Variants in TIMP2 observed in about 807,000 individuals in gnomAD.
TIMP2 encodes the protein metalloproteinase inhibitor 2.
A neutral mutation model predicts 24.3 loss-of-function variants in TIMP2; 5 were observed. The ratio of observed to expected loss-of-function variants is 0.21; its 90% CI spans 0.11 to 0.43. The LOEUF (loss-of-function observed/expected upper bound fraction) is 0.43. TIMP2 is among the 20% of genes least tolerant of loss of function. The pLI, the probability that TIMP2 is intolerant of heterozygous loss-of-function variation, is 1.00. For synonymous variants in TIMP2, 130 were observed against 123.2 expected, an observed-to-expected ratio of 1.06 and a Z score of -0.37; for missense variants, 221 against 297.5, an observed-to-expected ratio of 0.74 and a Z score of 1.89.
At chr17:78,905,182 G>T (rs181638969) in intron 1 of TIMP2, among the ~76,000 whole-genome samples, 8 of 151,062 alleles carry the variant, frequency 5.3e-5, no homozygotes, top group South Asian at 2.1e-4. Flanking sequence ...CCTTCTTTCT[G>T]CCTTGGACCT....
In TIMP2 at chr17:78,889,636, G is replaced by A. The variant is rs148019087; in HGVS notation, c.131-15717C>T. Among the ~76,000 whole-genome samples the A allele has an allele frequency of 3.3e-4, 50 of 152,252 alleles. No homozygotes were observed. The East Asian group carries it at 7.3e-3, about 22-fold the overall frequency. On this transcript the variant is annotated intron_variant, in intron 1 of 4. Coordinates refer to ENST00000262768, the MANE Select transcript of TIMP2 (RefSeq NM_003255.5). ...TTTATTTGGCTAAAACATCTGAAGG[G>A]CTTAAATGACCTGGAGTCTCCATCT...
At chr17:78,908,793 C>T (rs73397224) in intron 1 of TIMP2, among the ~76,000 whole-genome samples, 2,637 of 152,310 alleles carry the variant, frequency 0.017, 75 homozygotes, top group African/African-American at 0.06. Context: ...TTCCTTTATT[C>T]CCTGCCCTGG....
chr17:78,921,537 G>T (rs1043543947), intron 1 of TIMP2, among the ~76,000 whole-genome samples: 1 of 152,228 alleles, frequency 6.6e-6, no homozygotes, highest in African/African-American at 2.4e-5. Context: ...GTGGCTCCAG[G>T]CATGGGACTG....
intron 2 of TIMP2, among the ~76,000 whole-genome samples, chr17:78,873,393 T>C (rs1372203389): frequency 3.3e-5 from 5 of 151,094 alleles, no homozygotes; most frequent in Non-Finnish European, 7.4e-5. Context: ...CTCTGCCTCC[T>C]GGGCTTAAGC....
At chr17:78,879,253 G>A (rs1369825685) in intron 1 of TIMP2, among the ~76,000 whole-genome samples, 1 of 152,246 alleles carries the variant, frequency 6.6e-6, no homozygotes, top group African/African-American at 2.4e-5. Context: ...AGAGGAGGAG[G>A]GAGAGAGAGC....
At chr17:78,900,143 C>T (rs985180153) in intron 1 of TIMP2, 3 of 152,150 alleles carry the variant, frequency 2.0e-5, no homozygotes, top group African/African-American at 7.2e-5. Flanking sequence ...ACTAAGTGAC[C>T]CCAGAATGCA....
intron 1 of TIMP2, among the ~76,000 whole-genome samples, chr17:78,895,609 G>A (rs1057369171): frequency 6.6e-6 from 1 of 152,216 alleles, no homozygotes; most frequent in East Asian, 1.9e-4. Context: ...CTTACCCTAT[G>A]ACCCAGAGAT....
chr17:78,859,274 G>C (rs2069549608), intron 3 of TIMP2, among the ~76,000 whole-genome samples: 1 of 152,140 alleles, frequency 6.6e-6, no homozygotes, highest in African/African-American at 2.4e-5. Flanking sequence ...ATTGGCAATA[G>C]CCTTGGCGTT....
intron 1 of TIMP2, among the ~76,000 whole-genome samples, chr17:78,895,107 C>A (rs1012232487): frequency 5.3e-5 from 8 of 151,992 alleles, no homozygotes; most frequent in African/African-American, 1.7e-4. Context: ...ATGGTGAAAC[C>A]CCGTCTCTAC....
Position 78,857,660 on chromosome 17 carries a change from G to C in TIMP2, c.341-14C>G, listed in dbSNP as rs1209371978. On this transcript the variant is annotated splice_polypyrimidine_tract_variant and intron_variant, in intron 3 of 4. Coordinates refer to ENST00000262768, the MANE Select transcript of TIMP2 (RefSeq NM_003255.5). ...CCTCGGCCTTTCCTGCGGAGAGACG[G>C]GGATCACCGAGCTCAGGGAGAGGGA... is the stretch of plus-strand genomic sequence containing the variant. 4 of 1,613,842 alleles carry C rather than the reference G, an allele frequency of 2.5e-6. No individual in the cohort carries two copies. The highest frequency in any genetic ancestry group is 1.7e-5 in the Admixed American group (1 of 59,990).
chr17:78,889,153 C>T (rs1019049324), intron 1 of TIMP2, among the ~76,000 whole-genome samples: 7 of 152,228 alleles, frequency 4.6e-5, no homozygotes, highest in African/African-American at 1.7e-4. Context: ...GGGGGCTGCA[C>T]AGCTGGCAAA....
chr17:78,874,853 G>A (rs886615585), intron 1 of TIMP2, among the ~76,000 whole-genome samples: 9 of 151,810 alleles, frequency 5.9e-5, no homozygotes, highest in Admixed American at 5.9e-4. Context: ...AAATTCTCCT[G>A]CCTCAGCTTC....
Position 78,873,979 on chromosome 17 carries a change from G to C in TIMP2, c.131-60C>G, listed in dbSNP as rs991669585. 3.9e-6 allele frequency: 6 copies of C among 1,525,732 alleles called. No homozygotes were observed. In the African/African-American group the frequency reaches 8.2e-5, roughly 21 times the overall value. The allele number at this position is 1,525,732 out of a possible 1,614,324, so 94.5% of individuals were successfully genotyped here. A position where few individuals can be genotyped will look rare whatever the true frequency, so the allele number is the denominator to read the frequency against. On this transcript the variant is annotated intron_variant, in intron 1 of 4. Transcript: ENST00000262768. ...CCTGAAACACGCTCCTGGGGCTAAG[G>C]AGAGGGATAAGACGTCCAGGCCTGC...
intron 1 of TIMP2, among the ~76,000 whole-genome samples, chr17:78,895,517 G>A (rs1039763927): frequency 6.6e-6 from 1 of 152,182 alleles, no homozygotes; most frequent in African/African-American, 2.4e-5. Context: ...TTGGAACCCT[G>A]TGCACGCTGC....
At position 78,909,215 on chromosome 17, in the gene TIMP2, C is replaced by T. The variant is rs142156621; in HGVS notation, c.130+15744G>A. 1.6e-3 allele frequency among the ~76,000 whole-genome samples: 239 copies of T among 152,106 alleles called. 2 individuals carry two copies. The highest frequency in any genetic ancestry group is 5.2e-3 in the African/African-American group (217 of 41,472). On this transcript the variant is annotated intron_variant, in intron 1 of 4. Transcript: ENST00000262768. ...AAAGTAATTTTAAAAATTAGCCAAG[C>T]GTGGTGGCACACACCTGCAATCCCA...
chr17:78,900,244 A>G (rs141845642), intron 1 of TIMP2: 1 of 152,272 alleles, frequency 6.6e-6, no homozygotes, highest in Non-Finnish European at 1.5e-5. Context: ...AAACAAGCTT[A>G]TTAAAATTGT....
At chr17:78,885,604 G>A (rs1334864788) in intron 1 of TIMP2, among the ~76,000 whole-genome samples, 1 of 152,242 alleles carries the variant, frequency 6.6e-6, no homozygotes, top group Non-Finnish European at 1.5e-5. Flanking sequence ...GGCTCGCAAG[G>A]CAGGGGGCAG....
chr17:78,891,686 G>C lies in TIMP2; in HGVS notation c.131-17767C>G. ...CAGTTGCCTCCTCCCCGCCCGAGCT[G>C]TTCCTTTCTCTTTTTCCTCCACAAG... is the stretch of plus-strand genomic sequence containing the variant. On this transcript the variant is annotated intron_variant, in intron 1 of 4. Transcript: ENST00000262768. This position sits in a 1 kb window ranked among gnomAD's most constrained non-coding sequence, Gnocchi z 4.5. 6.4e-7 allele frequency: 1 copy of C among 1,551,106 alleles called. No homozygotes were observed. The highest frequency in any genetic ancestry group is 8.7e-7 in the Non-Finnish European group (1 of 1,147,114).
At chr17:78,916,892 C>A (rs369436320) in intron 1 of TIMP2, among the ~76,000 whole-genome samples, 7 of 152,306 alleles carry the variant, frequency 4.6e-5, no homozygotes, top group South Asian at 2.1e-4. Context: ...TTCCTCGGGG[C>A]TTATCTTAGC....
Sources: allele counts gnomAD v4.1 joint callset (sites outside exome capture counted in the v4.1 genomes callset), GRCh38; gene constraint gnomAD v4.1.1; non-coding constraint Gnocchi (gnomAD v3.1); transcripts MANE v1.5; gene names NCBI Gene and HGNC (gene_info 2026-07-23, HGNC 2026-07-21).